Variants in RBMS3 observed in about 807,000 individuals in gnomAD.
RBMS3 encodes the protein RNA-binding motif, single-stranded-interacting protein 3.
A neutral mutation model predicts 66.8 loss-of-function variants in RBMS3; 27 were observed. The observed-to-expected ratio is 0.40, with a 90% CI of 0.30 to 0.56. The LOEUF (loss-of-function observed/expected upper bound fraction) is 0.56, where lower values mean the gene tolerates loss of function less well. Ranked by LOEUF, RBMS3 falls within the 20% of genes least tolerant of loss-of-function variation. RBMS3 has a pLI of 0.40. For synonymous variants in RBMS3, 188 were observed against 183.0 expected (o/e 1.03, Z -0.22); for missense variants, 513 against 549.5 (o/e 0.93, Z 0.66).
intron 3 of RBMS3, among the ~76,000 whole-genome samples, chr3:29,580,181 G>A (rs2047275427): frequency 6.6e-6 from 1 of 152,084 alleles, no homozygotes; most frequent in African/African-American, 2.4e-5. Context: ...CTTTTCCCCA[G>A]TCCTTATTTT....
intron 1 of RBMS3, 127 bp from the exon 2 acceptor site, chr3:29,434,616 T>A (rs2041327711): frequency 4.8e-6 from 6 of 1,240,162 alleles, no homozygotes; most frequent in Non-Finnish European, 5.6e-6. Flanking sequence ...GTGATATAAA[T>A]GTGTGTGTGT....
Position 29,916,100 on chromosome 3 carries a change from A to G in RBMS3, c.939+16345A>G, listed in dbSNP as rs191369068. 5.0e-3 allele frequency among the ~76,000 whole-genome samples: 756 copies of G among 152,122 alleles called. 6 individuals are homozygous for G. The highest frequency in any genetic ancestry group is 7.9e-3 in the Non-Finnish European group (539 of 67,878). ...GATGAGAAATGTTCTGGCTAACACAATTTCATCTTATAACTGTCCTAGAAA... is the reference window on the plus strand; with the variant it reads ...GATGAGAAATGTTCTGGCTAACACAGTTTCATCTTATAACTGTCCTAGAAA... On this transcript the variant is annotated intron_variant, in intron 10 of 14. Coordinates refer to ENST00000383767, the MANE Select transcript of RBMS3 (RefSeq NM_001003793.3).
chr3:29,713,193 T>C (rs1004157277), intron 4 of RBMS3, among the ~76,000 whole-genome samples: 1 of 151,934 alleles, frequency 6.6e-6, no homozygotes, highest in African/African-American at 2.4e-5. Context: ...TTGCATGAAA[T>C]TTCTCTTCAT....
At chr3:29,876,982 A>G (rs748677589) in intron 7 of RBMS3, among the ~76,000 whole-genome samples, 3 of 152,206 alleles carry the variant, frequency 2.0e-5, no homozygotes, top group African/African-American at 7.2e-5. Flanking sequence ...TCCTCATAAC[A>G]CAATGGTGTG....
chr3:29,894,192 A>G (rs906403969), intron 8 of RBMS3, among the ~76,000 whole-genome samples: 2 of 151,502 alleles, frequency 1.3e-5, no homozygotes, highest in Non-Finnish European at 3.0e-5. Context: ...CCCTGATTGT[A>G]GATGGCTGCC....
At chr3:29,310,604 A>G (rs542341179) in intron 1 of RBMS3, among the ~76,000 whole-genome samples, 1 of 151,698 alleles carries the variant, frequency 6.6e-6, no homozygotes, top group Non-Finnish European at 1.5e-5. Context: ...ACATTTTAAG[A>G]TTTGTTTGTT....
intron 4 of RBMS3, among the ~76,000 whole-genome samples, chr3:29,689,765 C>G (rs2149271349): frequency 6.6e-6 from 1 of 151,354 alleles, no homozygotes; most frequent in East Asian, 1.9e-4. Context: ...CCATATTTTA[C>G]ATCTTTATAA....
At chr3:29,988,007 T>G in intron 12 of RBMS3, 136 bp from the exon 13 acceptor site, 1 of 658,394 alleles carries the variant, frequency 1.5e-6, no homozygotes, top group Admixed American at 2.7e-5. Flanking sequence ...TGCCTTATTT[T>G]TAGTGAAAAT....
chr3:29,992,492 G>C (rs9790009), intron 14 of RBMS3, among the ~76,000 whole-genome samples: 12 of 151,902 alleles, frequency 7.9e-5, no homozygotes, highest in East Asian at 3.9e-4. Flanking sequence ...GGGTCGGGGT[G>C]GGGGGCTGAG....
intron 4 of RBMS3, among the ~76,000 whole-genome samples, chr3:29,608,553 C>T (rs560536915): frequency 4.3e-4 from 65 of 151,998 alleles, no homozygotes; most frequent in Middle Eastern, 3.4e-3. Context: ...ATTTAGATGA[C>T]CAAAGATGAC....
chr3:29,773,148 A>G (rs1351547921), intron 6 of RBMS3, among the ~76,000 whole-genome samples: 3 of 151,942 alleles, frequency 2.0e-5, no homozygotes, highest in Non-Finnish European at 4.4e-5. Flanking sequence ...GTTATAATCA[A>G]CTTTAAGTTT....
intron 2 of RBMS3, among the ~76,000 whole-genome samples, chr3:29,474,202 T>A (rs1218287741): frequency 6.6e-6 from 1 of 152,276 alleles, no homozygotes; most frequent in African/African-American, 2.4e-5. Flanking sequence ...TTTGTTTATC[T>A]GGTGTCTTTT....
At chr3:29,609,551 C>G (rs190600063) in intron 4 of RBMS3, among the ~76,000 whole-genome samples, 29 of 152,074 alleles carry the variant, frequency 1.9e-4, no homozygotes, top group African/African-American at 6.7e-4. Flanking sequence ...AAACAACCAG[C>G]ATAACCATAC....
chr3:29,871,991 G>T, intron 7 of RBMS3, among the ~76,000 whole-genome samples: 1 of 149,446 alleles, frequency 6.7e-6, no homozygotes, highest in East Asian at 1.9e-4. Context: ...ATATGCTAGT[G>T]GCCATGTTCT....
At chr3:29,598,885 T>C (rs1024675728) in intron 4 of RBMS3, among the ~76,000 whole-genome samples, 1 of 152,014 alleles carries the variant, frequency 6.6e-6, no homozygotes, top group African/African-American at 2.4e-5. Flanking sequence ...CCAGCTTCAG[T>C]GCAAATTCAG....
In RBMS3 at chr3:29,475,116, AGGTTTATTAT is replaced by A. The variant is rs1449987195; in HGVS notation, c.249-13321_249-13312del. Among the ~76,000 whole-genome samples, 2 of 152,232 alleles carry A rather than the reference AGGTTTATTAT, an allele frequency of 1.3e-5. 1 individual carries two copies. The highest frequency in any genetic ancestry group is 1.3e-4 in the Admixed American group (2 of 15,280). ...ACATATGGTAATGAAAGGTTTATTA[AGGTTTATTAT>A]GGTATAAATAGTGTCTGTAACGGAT... On this transcript the variant is annotated intron_variant, in intron 2 of 14. Transcript: ENST00000383767.
intron 10 of RBMS3, among the ~76,000 whole-genome samples, chr3:29,927,725 A>G (rs2060978486): frequency 6.6e-6 from 1 of 152,176 alleles, no homozygotes; most frequent in South Asian, 2.1e-4. Context: ...GAGAGGCTTC[A>G]TGTGCATGGG....
intron 1 of RBMS3, among the ~76,000 whole-genome samples, chr3:29,323,308 T>C (rs892637394): frequency 1.3e-5 from 2 of 152,140 alleles, no homozygotes; most frequent in Non-Finnish European, 2.9e-5. Context: ...GTTGATTTTT[T>C]TGGGTAATAA....
At chr3:29,659,108 C>T (rs1000554719) in intron 4 of RBMS3, among the ~76,000 whole-genome samples, 2 of 152,182 alleles carry the variant, frequency 1.3e-5, no homozygotes, top group African/African-American at 2.4e-5. Flanking sequence ...TGAGCCACAG[C>T]GCCCAGCCTT....
Sources: allele counts gnomAD v4.1 joint callset (sites outside exome capture counted in the v4.1 genomes callset), GRCh38; gene constraint gnomAD v4.1.1; transcripts MANE v1.5; gene names NCBI Gene and HGNC (gene_info 2026-07-23, HGNC 2026-07-21).